GRIP1: variants seen among roughly 807,000 people sequenced by gnomAD.
The protein encoded by GRIP1 is glutamate receptor interacting protein 1.
A neutral mutation model predicts 129.9 loss-of-function variants in GRIP1; 45 were observed. The ratio of observed to expected loss-of-function variants is 0.35; its 90% confidence interval spans 0.27 to 0.44. The LOEUF (loss-of-function observed/expected upper bound fraction) is 0.44. Among genes scored for constraint, GRIP1 ranks in the 20% least tolerant of loss-of-function variants. The pLI is 1.00. For synonymous variants in GRIP1, 530 were observed against 520.8 expected, an observed-to-expected ratio of 1.02 and a Z score of -0.24; for missense variants, 1,196 against 1,396.8, an observed-to-expected ratio of 0.86 and a Z score of 2.29.
intron 1 of GRIP1, among the ~76,000 whole-genome samples, chr12:66,774,981 T>C (rs112024369): frequency 0.013 from 2,024 of 152,326 alleles, 51 homozygotes; most frequent in African/African-American, 0.047. Flanking sequence ...CCCTCCCCTG[T>C]GCAAGCCTCT....
chr12:66,446,554 C>T (rs923691602), intron 11 of GRIP1, among the ~76,000 whole-genome samples: 6 of 152,160 alleles, frequency 3.9e-5, no homozygotes, highest in African/African-American at 1.4e-4. Context: ...TTCAACTACT[C>T]CTATTTAAAA....
At chr12:66,499,494 T>C (rs900741472) in intron 7 of GRIP1, among the ~76,000 whole-genome samples, 2 of 152,200 alleles carry the variant, frequency 1.3e-5, no homozygotes, top group African/African-American at 4.8e-5. Context: ...TAATATCTTT[T>C]ATGTACAGGG....
In GRIP1 at chr12:66,420,773, T is replaced by G. The variant is rs1565721288; in HGVS notation, c.1785A>C (p.Lys595Asn). ...GITISSPSSR[K>N]PGDPLVISDI... ...CTGAAATGACGAGGGGGTCTCCTGG[T>G]TTTCTACTGGATGGTGCTGTAATAA... Residue 595 changes from lysine to asparagine, a missense_variant, in exon 15 of 25, where the codon AAA becomes AAC. This residue lies in a region of GRIP1 where 508 missense variants were observed against 587.0 expected (regional missense o/e 0.87). Transcript: ENST00000359742. 6 of 1,576,190 alleles carry G rather than the reference T, an allele frequency of 3.8e-6. No individual in the cohort carries two copies. Among genetic ancestry groups the G allele is most frequent in the Non-Finnish European group, 4.4e-6 (5 of 1,145,294 alleles).
chr12:66,547,526 T>C (rs1343359136), intron 2 of GRIP1, among the ~76,000 whole-genome samples: 1 of 152,152 alleles, frequency 6.6e-6, no homozygotes, highest in Non-Finnish European at 1.5e-5. Context: ...ACAACCAAGA[T>C]ATCCTGCAAC....
chr12:66,891,464 T>C (rs2040656821), intron 1 of GRIP1, among the ~76,000 whole-genome samples: 1 of 152,122 alleles, frequency 6.6e-6, no homozygotes, highest in Non-Finnish European at 1.5e-5. Context: ...AAGAAAGGAT[T>C]TCTCTCCCAT....
chr12:66,754,101 T>C (rs1566004102), intron 1 of GRIP1, among the ~76,000 whole-genome samples: 1 of 152,228 alleles, frequency 6.6e-6, no homozygotes, highest in African/African-American at 2.4e-5. Context: ...AGTTGCCCCT[T>C]AGGGGTTAAG....
upstream of GRIP1, among the ~76,000 whole-genome samples, chr12:66,804,577 C>G (rs948871192): frequency 6.6e-6 from 1 of 151,996 alleles, no homozygotes; most frequent in Non-Finnish European, 1.5e-5. Context: ...AGTCCCAGCA[C>G]GAGAATTTCA....
In GRIP1 at chr12:66,738,560, C is replaced by A. The variant is rs536815572; in HGVS notation, c.-420+65493G>T. Among the ~76,000 whole-genome samples the A allele has an allele frequency of 3.3e-5, 5 of 151,968 alleles. No individual in the cohort carries two copies. The East Asian group carries it at 9.7e-4, about 30-fold the overall frequency. The stretch of plus-strand genomic sequence containing the variant: ...TTTTAATTGCAAGAAACATATGAAA[C>A]CATCAGAGGATTTCAAGCAGGAAAA... On this transcript the variant is annotated intron_variant, in intron 1 of 4. Coordinates refer to the GRIP1 transcript ENST00000538373.
chr12:66,565,017 A>G (rs530589033), intron 2 of GRIP1, among the ~76,000 whole-genome samples: 8 of 152,264 alleles, frequency 5.3e-5, no homozygotes, highest in African/African-American at 1.7e-4. Context: ...TAGATTCTGG[A>G]TATTAGCCCT....
At chr12:66,373,200 G>A (rs894956349) in intron 22 of GRIP1, among the ~76,000 whole-genome samples, 7 of 151,846 alleles carry the variant, frequency 4.6e-5, no homozygotes, top group South Asian at 2.1e-4. Context: ...AGCAATTCTC[G>A]TGCCACAGCC....
intron 1 of GRIP1, among the ~76,000 whole-genome samples, chr12:66,969,362 C>T (rs2042040354): frequency 6.6e-6 from 1 of 152,062 alleles, no homozygotes; most frequent in African/African-American, 2.4e-5. Context: ...GTATGTTTCA[C>T]CTTTTGAAAT....
At chr12:67,052,073 C>G (rs538256070) in intron 1 of GRIP1, among the ~76,000 whole-genome samples, 14 of 152,248 alleles carry the variant, frequency 9.2e-5, no homozygotes, top group Non-Finnish European at 1.3e-4. Context: ...ATCCTTTATC[C>G]AGGTATGTAT....
In GRIP1 at chr12:66,766,458, C is replaced by T. The variant is rs1803742060; in HGVS notation, c.-420+37595G>A. On this transcript the variant is annotated intron_variant, in intron 1 of 4. Transcript: ENST00000538373. ...CACACACCTTCATTAAAGCATTTGT[C>T]ACACTGTACTTTGAGGTCACATGAC... 3.3e-5 allele frequency among the ~76,000 whole-genome samples: 5 copies of T among 152,328 alleles called. No homozygotes were observed. In the South Asian group the frequency reaches 1.0e-3, roughly 32 times the overall value.
chr12:66,843,717 T>C (rs959363307), intron 1 of GRIP1, among the ~76,000 whole-genome samples: 1 of 152,116 alleles, frequency 6.6e-6, no homozygotes, highest in Non-Finnish European at 1.5e-5. Flanking sequence ...GGAAAAACTT[T>C]TTAACAAATA....
At chr12:66,757,793 T>C (rs888520216) in intron 1 of GRIP1, among the ~76,000 whole-genome samples, 4 of 152,178 alleles carry the variant, frequency 2.6e-5, no homozygotes, top group African/African-American at 9.7e-5. Context: ...CCATTTTAAC[T>C]GGGGTAAGAC....
At chr12:66,766,739 C>G (rs886625528) in intron 1 of GRIP1, among the ~76,000 whole-genome samples, 1 of 152,178 alleles carries the variant, frequency 6.6e-6, no homozygotes, top group African/African-American at 2.4e-5. Context: ...CCAAGACTGG[C>G]TAATTTTTTC....
At chr12:67,004,199 T>C (rs1317586225) in intron 1 of GRIP1, among the ~76,000 whole-genome samples, 1 of 152,204 alleles carries the variant, frequency 6.6e-6, no homozygotes, top group African/African-American at 2.4e-5. Flanking sequence ...CTTGATCTCT[T>C]TGGGTGACCA....
At chr12:66,622,242 T>C (rs776061671) in intron 1 of GRIP1, among the ~76,000 whole-genome samples, 3 of 152,060 alleles carry the variant, frequency 2.0e-5, no homozygotes, top group Admixed American at 6.6e-5. Flanking sequence ...CAAGTCACTT[T>C]TGCCCCAAAT....
intron 1 of GRIP1, among the ~76,000 whole-genome samples, chr12:66,601,430 G>C (rs894335349): frequency 3.9e-5 from 6 of 152,142 alleles, no homozygotes. Flanking sequence ...CATCAGGCTG[G>C]TTCCTGTTTC....
Sources: gnomAD v4.1 joint callset for allele counts (sites outside exome capture counted in the v4.1 genomes callset) on GRCh38, gnomAD v4.1.1 for gene constraint, gnomAD v4.1.1 regional missense constraint, MANE v1.5 for transcripts, NCBI Gene and HGNC (gene_info 2026-07-23, HGNC 2026-07-21) for gene names.